Variants in KMT2C observed in about 807,000 individuals in gnomAD.
The protein encoded by KMT2C is lysine methyltransferase 2C.
A neutral mutation model predicts 507.9 loss-of-function variants in KMT2C; 88 were observed. That is an observed-to-expected ratio of 0.17 (90% CI 0.15 to 0.21). The LOEUF (loss-of-function observed/expected upper bound fraction) is 0.21. Ranked by LOEUF, KMT2C falls within the 10% of genes least tolerant of loss-of-function variation. The pLI is 1.00. For synonymous variants in KMT2C, 2,049 were observed against 2,080.8 expected, an observed-to-expected ratio of 0.98 and a Z score of 0.42; for missense variants, 4,954 against 5,957.8, an observed-to-expected ratio of 0.83 and a Z score of 5.55.
Position 152,177,279 on chromosome 7 carries a change from T to A in KMT2C, c.8174A>T (p.Glu2725Val), listed in dbSNP as rs1269709000. ...EDLENLNLDT[E>V]DGKVVELDTL... ...ATCCAATTCAACTACCTTGCCATCC[T>A]CTGTATCTAAATTTAAGTTTTCAAG... Residue 2725 changes from glutamate (E) to valine (V), a missense_variant, in exon 38 of 59, where the codon GAG becomes GTG. This residue lies in a region of KMT2C where 1,689 missense variants were observed against 1,654.3 expected (regional missense o/e 1.02). Coordinates refer to ENST00000262189, the MANE Select transcript of KMT2C (RefSeq NM_170606.3). 6.2e-7 allele frequency: 1 copy of A among 1,613,968 alleles called. No individual in the cohort carries two copies. The highest frequency in any genetic ancestry group is 1.7e-5 in the Admixed American group (1 of 60,032).
intron 23 of KMT2C, among the ~76,000 whole-genome samples, chr7:152,210,758 G>C (rs1022390030): frequency 2.0e-5 from 3 of 151,942 alleles, no homozygotes; most frequent in African/African-American, 7.3e-5. Flanking sequence ...AATCCTCTGA[G>C]GGATAATATA....
chr7:152,205,889 T>C (rs1373994730), intron 24 of KMT2C, among the ~76,000 whole-genome samples: 1 of 152,170 alleles, frequency 6.6e-6, no homozygotes, highest in Non-Finnish European at 1.5e-5. Flanking sequence ...AGCTGGAGGA[T>C]AGAAGGCACA....
Position 152,249,673 on chromosome 7 carries a change from C to CAAAAAAA in KMT2C, c.1813+196_1813+202dup, listed in dbSNP as rs1183345172. Among the ~76,000 whole-genome samples the CAAAAAAA allele has an allele frequency of 2.9e-4, 10 of 34,514 alleles. 2 individuals carry two copies. Among genetic ancestry groups the CAAAAAAA allele is most frequent in the East Asian group, 2.3e-3 (2 of 864 alleles). The allele number at this position is 34,514 out of a possible 152,430, so 22.6% of individuals were successfully genotyped here. ...ATTTTTAATCATGACCTCCCCCCTCCAAAAAAAAAAAAAAAAAAAAAAAAA... is the reference window on the plus strand; with the variant it reads ...ATTTTTAATCATGACCTCCCCCCTCCAAAAAAAAAAAAAAAAAAAAAAAAAAAAAAAA... On this transcript the variant is annotated intron_variant, in intron 13 of 58. Transcript: ENST00000262189.
chr7:152,154,083 A>G lies in KMT2C; in HGVS notation c.12203T>C (p.Phe4068Ser). Residue 4068 changes from phenylalanine to serine, a missense_variant, in exon 48 of 59, where the codon TTT becomes TCT. Phe to Ser is a radical substitution (Grantham distance 155). Transcript: ENST00000262189. Reference protein sequence around the residue: ...EPGTLYFASPFGPSPNGPRSG... With the variant: ...EPGTLYFASPSGPSPNGPRSG... ...TCTGGGACCATTTGGGGAAGGACCA[A>G]AAGGTGACGCAAAATATAAAGTGCC... 1 of 1,614,180 alleles carries G rather than the reference A, an allele frequency of 6.2e-7. No homozygotes were observed. Among genetic ancestry groups the G allele is most frequent in the Non-Finnish European group, 8.5e-7 (1 of 1,179,984 alleles).
At position 152,182,495 on chromosome 7, in the gene KMT2C, C is replaced by A. The variant is rs200661920; in HGVS notation, c.5365G>T (p.Gly1789Cys). The change falls in exon 36 of 59, where the codon GGT becomes TGT. Residue 1789 changes from glycine (G) to cysteine (C), a missense_variant. Around this residue, in one of 29 missense-constraint regions of KMT2C, gnomAD observed 1,689 missense variants for 1,654.3 expected, o/e 1.02. Coordinates refer to ENST00000262189, the MANE Select transcript of KMT2C (RefSeq NM_170606.3). ...EQQQQQQQQF[G>C]SQHLLVQSGS... is the part of the protein sequence containing the mutation. Reference sequence around the variant, plus strand: ...GACTGCACCAGAAGATGCTGAGAACCAAATTGCTGTTGTTGCTGCTGCTGC... The same window carrying A: ...GACTGCACCAGAAGATGCTGAGAACAAAATTGCTGTTGTTGCTGCTGCTGC... The A allele has an allele frequency of 2.5e-6, 4 of 1,613,854 alleles. No homozygotes were observed. The highest frequency in any genetic ancestry group is 8.5e-7 in the Non-Finnish European group (1 of 1,179,912).
Position 152,238,723 on chromosome 7 carries a change from A to G in KMT2C, c.2636T>C (p.Ile879Thr), listed in dbSNP as rs1440820446. Residue 879 changes from isoleucine to threonine, a missense_variant, in exon 15 of 59, where the codon ATT becomes ACT. This residue lies in a region of KMT2C where 62 missense variants were observed against 137.2 expected (regional missense o/e 0.45). Transcript: ENST00000262189. The stretch of plus-strand genomic sequence containing the variant: ...TTTATTTACCACTTTGATGCTCCAA[A>G]TGGCACTGCCAGGAAGCTGCCTGGG... ...FKPRQLPGSA[I>T]WSIKVGRGSG... 3 of 1,606,924 alleles carry G rather than the reference A, an allele frequency of 1.9e-6. No homozygotes were observed. Among genetic ancestry groups the G allele is most frequent in the Non-Finnish European group, 1.7e-6 (2 of 1,178,444 alleles).
intron 2 of KMT2C, among the ~76,000 whole-genome samples, chr7:152,342,842 G>T (rs954337425): frequency 6.6e-6 from 1 of 152,188 alleles, no homozygotes; most frequent in Non-Finnish European, 1.5e-5. Flanking sequence ...GCCTTCAGGA[G>T]AAACTATTTA....
chr7:152,207,014 G>C (rs1159422472), intron 24 of KMT2C, among the ~76,000 whole-genome samples: 3 of 152,082 alleles, frequency 2.0e-5, no homozygotes, highest in Non-Finnish European at 4.4e-5. Context: ...CAAAGTCCAA[G>C]TATGAACAAA....
intron 1 of KMT2C, among the ~76,000 whole-genome samples, chr7:152,435,227 C>G (rs940939633): frequency 7.9e-5 from 12 of 152,014 alleles, no homozygotes; most frequent in African/African-American, 2.9e-4. Flanking sequence ...GCGCCGACGG[C>G]TCGGCGGTTC....
At chr7:152,167,990 T>C (rs2092807472) in intron 41 of KMT2C, among the ~76,000 whole-genome samples, 1 of 152,214 alleles carries the variant, frequency 6.6e-6, no homozygotes, top group Non-Finnish European at 1.5e-5. Flanking sequence ...GTTATATTTT[T>C]TAAAATAAGG....
At chr7:152,172,715 G>A (rs1404781482) in intron 39 of KMT2C, among the ~76,000 whole-genome samples, 1 of 152,020 alleles carries the variant, frequency 6.6e-6, no homozygotes, top group Non-Finnish European at 1.5e-5. Context: ...AAACTAAGTA[G>A]TAAATAAAAC....
In KMT2C at chr7:152,248,402, A is replaced by T. The variant is rs2129164344; in HGVS notation, c.2032T>A (p.Ser678Thr). ...QLLEEPETVV[S>T]REESRPPKLV... ...TTTGGAGGCCTTGATTCTTCTCTGG[A>T]TACCACTGTTTCAGGTTCCTCTAAC... The change falls in exon 14 of 59, where the codon TCC (serine) becomes ACC (threonine). Residue 678 changes from serine (S) to threonine (T), a missense_variant. By Grantham distance (58) the Ser-to-Thr change is moderately conservative. Transcript: ENST00000262189. 1 of 1,614,064 alleles carries T rather than the reference A, an allele frequency of 6.2e-7. No homozygotes were observed. Among genetic ancestry groups the T allele is most frequent in the Non-Finnish European group, 8.5e-7 (1 of 1,179,986 alleles).
intron 48 of KMT2C, among the ~76,000 whole-genome samples, chr7:152,153,661 G>T (rs1424164065): frequency 6.6e-6 from 1 of 151,276 alleles, no homozygotes; most frequent in East Asian, 1.9e-4. Context: ...CAGTAAGTTT[G>T]AGGCTGCAGT....
chr7:152,151,560 G>C lies in KMT2C; in HGVS notation c.12548C>G (p.Ser4183Cys), dbSNP rs1587710720. 1 of 1,613,832 alleles carries C rather than the reference G, an allele frequency of 6.2e-7. No homozygotes were observed. ...TGCGCTTTCTGCAATACCATGACTA[G>C]AATCCTTATATCCAGAAAGACCTAA... is the stretch of plus-strand genomic sequence containing the variant. ...TSNGLSGYKDSSHGIAESAAL... is the reference protein window; with the variant it reads ...TSNGLSGYKDCSHGIAESAAL... The change falls in exon 50 of 59, where the codon TCT becomes TGT. Residue 4183 changes from serine to cysteine, a missense_variant. Around this residue, in one of 29 missense-constraint regions of KMT2C, gnomAD observed 417 missense variants for 461.1 expected, o/e 0.90. Transcript: ENST00000262189.
At chr7:152,310,600 A>G (rs926653347) in intron 5 of KMT2C, among the ~76,000 whole-genome samples, 2 of 152,204 alleles carry the variant, frequency 1.3e-5, no homozygotes, top group Admixed American at 6.5e-5. Flanking sequence ...AGCGCAGATC[A>G]CAAGTGAGAT....
rs1251686572 is a variant in KMT2C, at chr7:152,162,145, A to G, written c.11432T>C (p.Val3811Ala). The G allele has an allele frequency of 1.3e-6, 2 of 1,576,596 alleles. No homozygotes were observed. The highest frequency in any genetic ancestry group is 2.7e-5 in the African/African-American group (2 of 73,150). Residue 3811 changes from valine (V) to alanine (A), a missense_variant, in exon 43 of 59, where the codon GTT becomes GCT. By Grantham distance (64) the Val-to-Ala change is moderately conservative (BLOSUM62 0). Coordinates refer to ENST00000262189, the MANE Select transcript of KMT2C (RefSeq NM_170606.3). ...TCCTTCAGCTGGGTTCTGCTTCTCA[A>G]CTAGTTTATTATCCTTTGTACAGTC... ...EDDCTKDNKLVEKQNPAEGLQ... is the reference protein window; with the variant it reads ...EDDCTKDNKLAEKQNPAEGLQ...
chr7:152,290,845 T>C (rs142588847), intron 6 of KMT2C, among the ~76,000 whole-genome samples: 1 of 152,130 alleles, frequency 6.6e-6, no homozygotes, highest in African/African-American at 2.4e-5. Flanking sequence ...CATTCAGTGC[T>C]GTATCTCAAG....
At chr7:152,236,305 C>T (rs1405014198) in intron 15 of KMT2C, among the ~76,000 whole-genome samples, 1 of 152,248 alleles carries the variant, frequency 6.6e-6, no homozygotes, top group Non-Finnish European at 1.5e-5. Context: ...GAAGAACTCT[C>T]TCATTAACTG....
intron 22 of KMT2C, among the ~76,000 whole-genome samples, chr7:152,221,025 C>G (rs1050218862): frequency 1.3e-5 from 2 of 152,070 alleles, no homozygotes; most frequent in African/African-American, 4.8e-5. Context: ...GGGGCCGAGG[C>G]GGCAGGCAGA....
Sources: allele counts gnomAD v4.1 joint callset (sites outside exome capture counted in the v4.1 genomes callset), GRCh38; gene constraint gnomAD v4.1.1; regional missense constraint gnomAD v4.1.1; transcripts MANE v1.5; gene names NCBI Gene and HGNC (gene_info 2026-07-23, HGNC 2026-07-21).